Variants in GFPT2 observed in about 807,000 individuals in gnomAD.
GFPT2 encodes glutamine--fructose-6-phosphate aminotransferase [isomerizing] 2.
In GFPT2, 62 loss-of-function variants were observed where a neutral mutation model predicts 85.6. The ratio of observed to expected loss-of-function variants is 0.72; its 90% CI spans 0.59 to 0.90. GFPT2 has a LOEUF of 0.90. Among genes scored for constraint, GFPT2 ranks in the 40% least tolerant of loss-of-function variants. GFPT2 has a pLI of 0.00. For missense variants in GFPT2, 788 were observed against 893.4 expected, an observed-to-expected ratio of 0.88 and a Z score of 1.50; for synonymous variants, 368 against 344.5, an observed-to-expected ratio of 1.07 and a Z score of -0.75.
intron 1 of GFPT2, among the ~76,000 whole-genome samples, chr5:180,349,949 T>C (rs1413233841): frequency 6.6e-6 from 1 of 151,816 alleles, no homozygotes; most frequent in Non-Finnish European, 1.5e-5. Context: ...TACAAATTCG[T>C]GGATGGGAAG....
In GFPT2 at chr5:180,328,959, G is replaced by GCC. The variant is rs1327494924; in HGVS notation, c.535-623_535-622dup. On this transcript the variant is annotated intron_variant, in intron 6 of 18. Transcript: ENST00000253778. The surrounding 1 kb of genome is among the most constrained non-coding windows in gnomAD (Gnocchi z 5.4). ...TATTATCCTTTCCATGGATACGACT[G>GCC]CCACCTGCCCTCTGGGCCTCAGCTG... Among the ~76,000 whole-genome samples, 1 of 152,222 alleles carries GCC rather than the reference G, an allele frequency of 6.6e-6. No individual in the cohort carries two copies. The highest frequency in any genetic ancestry group is 2.4e-5 in the African/African-American group (1 of 41,464).
chr5:180,352,087 C>T (rs920942497), intron 1 of GFPT2, among the ~76,000 whole-genome samples: 2 of 152,156 alleles, frequency 1.3e-5, no homozygotes, highest in Non-Finnish European at 2.9e-5. Flanking sequence ...CAGGAATTTC[C>T]ACGGATGCCT....
intron 15 of GFPT2, among the ~76,000 whole-genome samples, chr5:180,307,718 C>T (rs1365508626): frequency 6.6e-6 from 1 of 152,220 alleles, no homozygotes; most frequent in Non-Finnish European, 1.5e-5. Flanking sequence ...TCTCAGGACT[C>T]CTTTACACTC....
intron 3 of GFPT2, 104 bp downstream of exon 3, chr5:180,336,375 G>C (rs1468869592): frequency 1.3e-6 from 1 of 779,864 alleles, no homozygotes; most frequent in Admixed American, 1.7e-5. Flanking sequence ...GTTTATCTGA[G>C]CTGGGACAAA....
At chr5:180,331,454 A>G in intron 5 of GFPT2, 41 bp downstream of exon 5, 2 of 1,231,414 alleles carry the variant, frequency 1.6e-6, no homozygotes, top group Non-Finnish European at 2.4e-6. Context: ...GGGGAGACCA[A>G]TCCCACCGGA....
At chr5:180,337,989 G>C (rs1488771793) in intron 2 of GFPT2, among the ~76,000 whole-genome samples, 1 of 152,114 alleles carries the variant, frequency 6.6e-6, no homozygotes, top group Admixed American at 6.6e-5. Flanking sequence ...AAAATTAGCC[G>C]GGTGTGGTGG....
intron 9 of GFPT2, among the ~76,000 whole-genome samples, chr5:180,320,559 G>T (rs950369462): frequency 6.6e-6 from 1 of 152,094 alleles, no homozygotes. Flanking sequence ...GATCACCTGA[G>T]GTCAGGAGTT....
intron 1 of GFPT2, among the ~76,000 whole-genome samples, chr5:180,350,955 C>T (rs755866750): frequency 6.6e-6 from 1 of 152,210 alleles, no homozygotes; most frequent in African/African-American, 2.4e-5. Context: ...CCTGCTCAGA[C>T]GCCAGGTGCG....
chr5:180,318,718 A>G lies in GFPT2; in HGVS notation c.958+75T>C. ...GAGGGCTGTGGCCTCTACTAGGACC[A>G]GGCAGAGTGTCAGGAGCTCCACCAG... On this transcript the variant is annotated intron_variant, in intron 10 of 18. Transcript: ENST00000253778. The surrounding 1 kb of genome is among the most constrained non-coding windows in gnomAD (Gnocchi z 4.2). 1.6e-6 allele frequency: 2 copies of G among 1,262,930 alleles called. No individual in the cohort carries two copies. Among genetic ancestry groups the G allele is most frequent in the Non-Finnish European group, 2.2e-6 (2 of 895,064 alleles). 78.2% of individuals were successfully genotyped at this position (1,262,930 alleles called of 1,614,324 possible).
rs1356222155 is a variant in GFPT2 at position 180,301,594 on chromosome 5, T to C, written c.2019A>G (p.Arg673=). Residue 673 remains arginine, a synonymous_variant, in exon 19 of 19, where the codon AGA becomes AGG. Transcript: ENST00000253778. ...VLRGYDVDFP[R]NLAKSVTVE ...CCACAGTTACAGACTTGGCCAGATT[T>C]CTGGGGAAGTCAACCTAAAATGAAA... is the stretch of plus-strand genomic sequence containing the variant. The C allele has an allele frequency of 1.2e-6, 2 of 1,613,694 alleles. No homozygotes were observed. The highest frequency in any genetic ancestry group is 8.5e-7 in the Non-Finnish European group (1 of 1,179,576).
rs774797475 is a variant in GFPT2 at position 180,300,821 on chromosome 5, A to G, written c.*743T>C. On this transcript the variant is annotated 3_prime_UTR_variant, in exon 19 of 19. Transcript: ENST00000253778. ...TGCATGGGATATTTCAAGCTGTTTT[A>G]CTATGGGCAAGGAGCAGGGACCAAA... 2.6e-5 allele frequency: 4 copies of G among 152,690 alleles called. No individual in the cohort carries two copies. Among genetic ancestry groups the G allele is most frequent in the Non-Finnish European group, 2.9e-5 (2 of 68,054 alleles). The allele number at this position is 152,690 out of a possible 1,614,324, so 9.5% of individuals were successfully genotyped here. A position where few individuals can be genotyped will look rare whatever the true frequency, so the allele number is the denominator to read the frequency against.
intron 10 of GFPT2, among the ~76,000 whole-genome samples, chr5:180,317,569 CTA>C (rs1356977087): frequency 2.1e-5 from 3 of 145,438 alleles, no homozygotes; most frequent in Non-Finnish European, 4.4e-5. Flanking sequence ...ACCATCCCGG[CTA>C]AAACAGTGAA....
intron 1 of GFPT2, among the ~76,000 whole-genome samples, chr5:180,351,003 G>A (rs760524561): frequency 1.3e-5 from 2 of 152,254 alleles, no homozygotes; most frequent in African/African-American, 4.8e-5. Context: ...CCAGCGTAAA[G>A]TGAAGAGCTT....
chr5:180,302,174 C>G (rs557788795), intron 18 of GFPT2, among the ~76,000 whole-genome samples: 31 of 150,806 alleles, frequency 2.1e-4, no homozygotes, highest in Non-Finnish European at 4.1e-4. Context: ...GTAGTCCCAG[C>G]TACTCGGGAG....
At chr5:180,307,361 T>C in intron 15 of GFPT2, 58 bp from the exon 16 acceptor site, 1 of 1,575,934 alleles carries the variant, frequency 6.3e-7, no homozygotes, top group Middle Eastern at 1.7e-4. Flanking sequence ...AAAGCAATAT[T>C]CATGAAGACA....
intron 2 of GFPT2, among the ~76,000 whole-genome samples, chr5:180,338,061 G>A (rs886211624): frequency 2.0e-5 from 3 of 152,140 alleles, no homozygotes; most frequent in African/African-American, 7.2e-5. Context: ...GGAGCTTGAG[G>A]CTGCAGTGAG....
chr5:180,316,464 G>A lies in GFPT2; in HGVS notation c.1153-3C>T, dbSNP rs1182220863. 31 of 1,614,006 alleles carry A rather than the reference G, an allele frequency of 1.9e-5. No individual in the cohort carries two copies. Among genetic ancestry groups the A allele is most frequent in the Non-Finnish European group, 2.5e-5 (29 of 1,179,984 alleles). On this transcript the variant is annotated splice_region_variant and splice_polypyrimidine_tract_variant and intron_variant, in intron 12 of 18. Transcript: ENST00000253778. ...AGTTCCTCCAAAACTTGCCGCGTCT[G>A]AAGCCAACAAGCAAGCATGGAGACT...
chr5:180,347,298 AG>A (rs1764627709), intron 1 of GFPT2, among the ~76,000 whole-genome samples: 1 of 152,230 alleles, frequency 6.6e-6, no homozygotes, highest in East Asian at 1.9e-4. Context: ...CCTTCCTACC[AG>A]CAGGAGAGCC....
chr5:180,351,454 T>C (rs1486030351), intron 1 of GFPT2, among the ~76,000 whole-genome samples: 5 of 146,466 alleles, frequency 3.4e-5, no homozygotes, highest in African/African-American at 1.2e-4. Flanking sequence ...TCAGCAAATC[T>C]GGGAATTCTG....
Sources: gnomAD v4.1 joint callset for allele counts (sites outside exome capture counted in the v4.1 genomes callset) on GRCh38, gnomAD v4.1.1 for gene constraint, Gnocchi (gnomAD v3.1) non-coding constraint, MANE v1.5 for transcripts, NCBI Gene and HGNC (gene_info 2026-07-23, HGNC 2026-07-21) for gene names.